NHSL2: variants seen among roughly 807,000 people sequenced by gnomAD.
NHSL2 encodes the protein NHS-like protein 2.
A neutral mutation model predicts 53.4 loss-of-function variants in NHSL2; 27 were observed. The observed-to-expected ratio is 0.51, with a 90% CI of 0.37 to 0.70. The LOEUF (loss-of-function observed/expected upper bound fraction) is 0.70. NHSL2 is among the 30% of genes least tolerant of loss of function. The probability of loss-of-function intolerance (pLI) is 0.00; values close to 1 mark genes in which losing one functional copy is unlikely to be tolerated. For synonymous variants in NHSL2, 408 were observed against 404.1 expected (o/e 1.01, Z -0.12); for missense variants, 892 against 980.1 (o/e 0.91, Z 1.20).
intron 1 of NHSL2, chrX:72,027,789 T>C (rs984124947): frequency 1.1e-4 from 13 of 119,854 alleles, no homozygotes; most frequent in Admixed American, 9.0e-4. Flanking sequence ...AAGGGAACTC[T>C]CAAGACCTCC....
intron 1 of NHSL2, among the ~76,000 whole-genome samples, chrX:71,914,948 G>A (rs913478621): frequency 9.1e-6 from 1 of 110,315 alleles, no homozygotes; most frequent in Non-Finnish European, 1.9e-5. Flanking sequence ...GTTTCATCCC[G>A]AGGCTCTTGG....
At chrX:72,078,981 T>C (rs780403023) in intron 1 of NHSL2, among the ~76,000 whole-genome samples, 52 of 112,288 alleles carry the variant, frequency 4.6e-4, no homozygotes, top group Non-Finnish European at 7.0e-4. Context: ...AGCTGTTTCC[T>C]TGTCTTTCTG....
At chrX:72,103,871 G>A (rs761823015) in intron 1 of NHSL2, among the ~76,000 whole-genome samples, 2 of 112,547 alleles carry the variant, frequency 1.8e-5, no homozygotes, top group South Asian at 7.3e-4. Context: ...GAGTGAGGCC[G>A]ACTTGACCCA....
intron 1 of NHSL2, among the ~76,000 whole-genome samples, chrX:71,989,226 A>G (rs1174092482): frequency 2.8e-5 from 3 of 109,084 alleles, no homozygotes; most frequent in East Asian, 2.9e-4. Flanking sequence ...GCACGCGCCT[A>G]TAGTGCCAGC....
intron 6 of NHSL2, 90 bp from the exon 7 acceptor site, chrX:72,142,142 G>C: frequency 1.4e-6 from 1 of 720,111 alleles, no homozygotes; most frequent in South Asian, 3.5e-5. Context: ...TCACAGAGTT[G>C]CTTTCACCAT....
At chrX:71,998,214 T>C (rs2042057836) in intron 1 of NHSL2, among the ~76,000 whole-genome samples, 1 of 112,364 alleles carries the variant, frequency 8.9e-6, no homozygotes, top group African/African-American at 3.2e-5. Context: ...GAAGACAAGA[T>C]AGACAAGGGT....
chrX:71,993,697 T>C (rs967164837), intron 1 of NHSL2, among the ~76,000 whole-genome samples: 1 of 111,497 alleles, frequency 9.0e-6, no homozygotes, highest in Non-Finnish European at 1.9e-5. Context: ...GCACTGGGGT[T>C]CCCTGGCCAG....
chrX:72,012,106 A>C (rs2042118557), intron 1 of NHSL2, among the ~76,000 whole-genome samples: 1 of 111,833 alleles, frequency 8.9e-6, no homozygotes, highest in African/African-American at 3.3e-5. Context: ...ATAGAACAAA[A>C]CTTGCTAATT....
At chrX:72,056,552 GCACACACACA>G (rs60731699) in intron 1 of NHSL2, among the ~76,000 whole-genome samples, 3 of 104,527 alleles carry the variant, frequency 2.9e-5, no homozygotes, top group East Asian at 2.9e-4. Flanking sequence ...TAACGTCTGC[GCACACACACA>G]CACACACACA....
chrX:71,991,774 TTC>T (rs1180298030), intron 1 of NHSL2, among the ~76,000 whole-genome samples: 1 of 108,417 alleles, frequency 9.2e-6, no homozygotes, highest in Non-Finnish European at 1.9e-5. Context: ...CTAGAAGCAT[TTC>T]TCTCTCTCTG....
intron 1 of NHSL2, among the ~76,000 whole-genome samples, chrX:72,095,115 C>G (rs1384688397): frequency 8.9e-6 from 1 of 111,877 alleles, no homozygotes; most frequent in Non-Finnish European, 1.9e-5. Flanking sequence ...GCCATGGTTC[C>G]CAAGCACTTT....
intron 1 of NHSL2, among the ~76,000 whole-genome samples, chrX:71,941,970 G>A (rs751803601): frequency 2.7e-5 from 3 of 110,833 alleles, no homozygotes; most frequent in South Asian, 7.8e-4. Context: ...TCCTGGCAGC[G>A]AGGCCTCTGT....
chrX:71,926,833 G>A (rs938939377), intron 1 of NHSL2, among the ~76,000 whole-genome samples: 1 of 111,460 alleles, frequency 9.0e-6, no homozygotes, highest in Non-Finnish European at 1.9e-5. Flanking sequence ...CTCACCTCTT[G>A]AGCATATGAA....
chrX:71,932,005 C>T (rs1481938553), intron 1 of NHSL2, among the ~76,000 whole-genome samples: 2 of 112,381 alleles, frequency 1.8e-5, no homozygotes, highest in African/African-American at 3.2e-5. Flanking sequence ...ATTGATTGAG[C>T]ACCTACCATG....
chrX:71,989,429 A>G (rs1317229848), intron 1 of NHSL2, among the ~76,000 whole-genome samples: 1 of 110,642 alleles, frequency 9.0e-6, no homozygotes, highest in African/African-American at 3.3e-5. Flanking sequence ...GCCAGGAACT[A>G]TGCATGCATC....
intron 1 of NHSL2, among the ~76,000 whole-genome samples, chrX:72,085,704 GT>G (rs796666989): frequency 0.013 from 1,109 of 82,635 alleles, 10 homozygotes; most frequent in Middle Eastern, 0.029. Context: ...GAAATTCTTT[GT>G]TTTTTTTTTG....
chrX:72,035,851 C>T (rs1569474204), intron 1 of NHSL2, among the ~76,000 whole-genome samples: 2 of 111,759 alleles, frequency 1.8e-5, no homozygotes, highest in East Asian at 2.8e-4. Flanking sequence ...GGCCATAGAT[C>T]GATACCAGTC....
At chrX:72,078,762 G>C (rs1260438193) in intron 1 of NHSL2, among the ~76,000 whole-genome samples, 1 of 112,303 alleles carries the variant, frequency 8.9e-6, no homozygotes, top group Admixed American at 9.4e-5. Context: ...TCCCAGCTCA[G>C]GGACACAATG....
chrX:71,980,570 GTGTGTGT>G (rs1383834842), intron 1 of NHSL2, among the ~76,000 whole-genome samples: 23 of 1,247 alleles, frequency 0.018, no homozygotes, highest in African/African-American at 0.062. Context: ...GGTGTGTGGG[GTGTGTGT>G]GTGTGTGTGT....
Sources: allele counts gnomAD v4.1 joint callset (sites outside exome capture counted in the v4.1 genomes callset), GRCh38; gene constraint gnomAD v4.1.1; transcripts MANE v1.5; gene names NCBI Gene and HGNC (gene_info 2026-07-23, HGNC 2026-07-21).